PTPRD: variants seen among roughly 807,000 people sequenced by gnomAD.
PTPRD encodes the protein protein tyrosine phosphatase receptor type D.
A neutral mutation model predicts 214.5 loss-of-function variants in PTPRD; 34 were observed. The observed-to-expected ratio is 0.16, with a 90% CI of 0.12 to 0.21. PTPRD has a LOEUF of 0.21. PTPRD is among the 10% of genes least tolerant of loss of function. PTPRD has a pLI of 1.00. For synonymous variants in PTPRD, 1,128 were observed against 845.7 expected (o/e 1.33, Z -5.79); for missense variants, 2,545 against 2,398.7 (o/e 1.06, Z -1.27).
chr9:9,799,752 A>C (rs929391646), intron 5 of PTPRD: 10 of 152,210 alleles, frequency 6.6e-5, no homozygotes, highest in Non-Finnish European at 1.2e-4. Context: ...AATATAAATA[A>C]AGGGTTAAAA....
At chr9:8,394,989 T>A (rs1292129733) in intron 36 of PTPRD, among the ~76,000 whole-genome samples, 1 of 152,124 alleles carries the variant, frequency 6.6e-6, no homozygotes, top group African/African-American at 2.4e-5. Flanking sequence ...AATCCCACCG[T>A]GGCTCCAGTG....
In PTPRD at chr9:10,177,176, G is replaced by C. The variant is rs1053872252; in HGVS notation, c.-544-143386C>G. 3.3e-5 allele frequency among the ~76,000 whole-genome samples: 5 copies of C among 151,916 alleles called. No homozygotes were observed. In the East Asian group the frequency reaches 9.6e-4, roughly 29 times the overall value. On this transcript the variant is annotated intron_variant, in intron 3 of 45. Coordinates refer to ENST00000381196, the MANE Select transcript of PTPRD (RefSeq NM_002839.4). Reference sequence around the variant, plus strand: ...GGGTAGTATACTTGGTTTCATCGTGGAGTGCTTCCTGCATTTAAACTCAGT... The same window carrying C: ...GGGTAGTATACTTGGTTTCATCGTGCAGTGCTTCCTGCATTTAAACTCAGT...
chr9:9,016,200 GT>G (rs1196176697), intron 11 of PTPRD, among the ~76,000 whole-genome samples: 1 of 152,036 alleles, frequency 6.6e-6, no homozygotes, highest in Non-Finnish European at 1.5e-5. Context: ...TCAAACATTT[GT>G]CTTTTATATT....
In PTPRD at chr9:9,909,166, T is replaced by C. The variant is rs372366659; in HGVS notation, c.-368+29341A>G. Among the ~76,000 whole-genome samples, 7 of 151,964 alleles carry C rather than the reference T, an allele frequency of 4.6e-5. No homozygotes were observed. The East Asian group carries it at 1.2e-3, about 25-fold the overall frequency. ...ATTGCTGATATACATATTTTGTTCA[T>C]CAAAAATTAAATGAAGCAGCACATT... On this transcript the variant is annotated intron_variant, in intron 5 of 45. Coordinates refer to ENST00000381196, the MANE Select transcript of PTPRD (RefSeq NM_002839.4).
At chr9:8,759,985 C>T (rs2094305819) in intron 11 of PTPRD, among the ~76,000 whole-genome samples, 1 of 152,184 alleles carries the variant, frequency 6.6e-6, no homozygotes, top group African/African-American at 2.4e-5. Flanking sequence ...TCCCTTCTCC[C>T]TACTAATCAG....
chr9:9,097,199 A>G (rs963294248), intron 10 of PTPRD, among the ~76,000 whole-genome samples: 1 of 152,138 alleles, frequency 6.6e-6, no homozygotes, highest in African/African-American at 2.4e-5. Flanking sequence ...AGCAGGCATT[A>G]TGTTTTCTTG....
At chr9:8,669,485 T>C (rs2097236164) in intron 12 of PTPRD, among the ~76,000 whole-genome samples, 1 of 151,858 alleles carries the variant, frequency 6.6e-6, no homozygotes, top group Non-Finnish European at 1.5e-5. Context: ...ATCCCTAGAG[T>C]TTGGGTTGGG....
At chr9:10,466,312 T>C (rs1428738848) in intron 2 of PTPRD, among the ~76,000 whole-genome samples, 3 of 152,050 alleles carry the variant, frequency 2.0e-5, no homozygotes, top group South Asian at 2.1e-4. Context: ...TCTCAATTAT[T>C]TGAAGATAAA....
At chr9:8,420,814 T>TA (rs1564684834) in intron 35 of PTPRD, among the ~76,000 whole-genome samples, 4 of 119,996 alleles carry the variant, frequency 3.3e-5, no homozygotes, top group African/African-American at 8.8e-5. Context: ...TTTTTTTTTT[T>TA]TTTTAAAAAA....
intron 36 of PTPRD, among the ~76,000 whole-genome samples, chr9:8,398,160 G>C (rs1182345215): frequency 6.6e-6 from 1 of 152,088 alleles, no homozygotes; most frequent in Non-Finnish European, 1.5e-5. Flanking sequence ...TAACACTAAA[G>C]ATAATCTTAA....
At chr9:9,318,699 T>C (rs1423435615) in intron 9 of PTPRD, among the ~76,000 whole-genome samples, 2 of 152,208 alleles carry the variant, frequency 1.3e-5, no homozygotes, top group African/African-American at 4.8e-5. Context: ...AGCCTATGTT[T>C]TTTAATACAA....
At chr9:8,462,306 G>C (rs1245975971) in intron 32 of PTPRD, among the ~76,000 whole-genome samples, 3 of 151,870 alleles carry the variant, frequency 2.0e-5, no homozygotes, top group Non-Finnish European at 4.4e-5. Context: ...GTGTCCCCCA[G>C]GTCCATCTGC....
chr9:9,166,213 A>G (rs1249623788), intron 10 of PTPRD, among the ~76,000 whole-genome samples: 1 of 151,164 alleles, frequency 6.6e-6, no homozygotes, highest in Non-Finnish European at 1.5e-5. Flanking sequence ...TCAATGTTGT[A>G]ATAGTAGGAA....
chr9:10,065,760 T>C (rs961587255), intron 3 of PTPRD, among the ~76,000 whole-genome samples: 31 of 151,904 alleles, frequency 2.0e-4, no homozygotes, highest in East Asian at 1.9e-4. Flanking sequence ...GCTCCTTAAA[T>C]GTTTTCCCAA....
intron 4 of PTPRD, among the ~76,000 whole-genome samples, chr9:9,963,066 GATTT>G (rs996119098): frequency 3.9e-5 from 6 of 151,948 alleles, no homozygotes; most frequent in African/African-American, 1.5e-4. Flanking sequence ...ATGTATAAGA[GATTT>G]ATTATTTCAG....
chr9:10,580,464 T>C (rs1434545738), intron 2 of PTPRD, among the ~76,000 whole-genome samples: 1 of 152,222 alleles, frequency 6.6e-6, no homozygotes, highest in Non-Finnish European at 1.5e-5. Flanking sequence ...TTTTTGGTTC[T>C]TGTATATTTT....
At chr9:9,393,372 G>A (rs1243383601) in intron 9 of PTPRD, among the ~76,000 whole-genome samples, 1 of 152,156 alleles carries the variant, frequency 6.6e-6, no homozygotes, top group Non-Finnish European at 1.5e-5. Flanking sequence ...GAGCTGAGCT[G>A]CATGCTATGC....
intron 11 of PTPRD, among the ~76,000 whole-genome samples, chr9:8,943,641 T>C (rs1187592459): frequency 6.6e-6 from 1 of 151,254 alleles, no homozygotes; most frequent in African/African-American, 2.4e-5. Context: ...TTCTGGGAAA[T>C]AATAAATTAT....
chr9:9,669,976 C>A (rs1384250411), intron 7 of PTPRD, among the ~76,000 whole-genome samples: 2 of 152,192 alleles, frequency 1.3e-5, no homozygotes, highest in South Asian at 2.1e-4. Flanking sequence ...CCCTCAATAT[C>A]TTTTAGCTTC....
Sources: gnomAD v4.1 joint callset for allele counts (sites outside exome capture counted in the v4.1 genomes callset) on GRCh38, gnomAD v4.1.1 for gene constraint, MANE v1.5 for transcripts, NCBI Gene and HGNC (gene_info 2026-07-23, HGNC 2026-07-21) for gene names.